Variants in PRMT3 observed in about 807,000 individuals in gnomAD.
The protein encoded by PRMT3 is protein arginine methyltransferase 3, also known as protein arginine N-methyltransferase 3.
In PRMT3, 62 loss-of-function variants were observed where a neutral mutation model predicts 71.9. The observed-to-expected ratio is 0.86, with a 90% CI of 0.70 to 1.07. The LOEUF (loss-of-function observed/expected upper bound fraction) is 1.07, where lower values mean the gene tolerates loss of function less well. Ranked by LOEUF, PRMT3 falls within the 50% of genes least tolerant of loss-of-function variation. The probability of loss-of-function intolerance (pLI) is 0.00; values close to 1 mark genes in which losing one functional copy is unlikely to be tolerated. For synonymous variants in PRMT3, 213 were observed against 220.4 expected (o/e 0.97, Z 0.30); for missense variants, 663 against 643.0 (o/e 1.03, Z -0.34).
intron 5 of PRMT3, among the ~76,000 whole-genome samples, chr11:20,394,515 G>A (rs1212195639): frequency 1.3e-5 from 2 of 151,994 alleles, no homozygotes; most frequent in East Asian, 3.9e-4. Flanking sequence ...TATACAATGT[G>A]ATGATTTGAT....
intron 7 of PRMT3, among the ~76,000 whole-genome samples, chr11:20,400,618 C>G: frequency 6.6e-6 from 1 of 152,072 alleles, no homozygotes; most frequent in African/African-American, 2.4e-5. Flanking sequence ...TGTATCTGCA[C>G]CTGTCTCATG....
chr11:20,395,759 T>C (rs1255855148), intron 5 of PRMT3, 44 bp from the exon 6 acceptor site: 27 of 1,559,844 alleles, frequency 1.7e-5, no homozygotes, highest in Non-Finnish European at 2.4e-5. Flanking sequence ...ACTTGTTTTA[T>C]TGTTATAAGA....
intron 13 of PRMT3, among the ~76,000 whole-genome samples, chr11:20,488,617 A>G (rs942964105): frequency 6.6e-6 from 1 of 152,200 alleles, no homozygotes; most frequent in Non-Finnish European, 1.5e-5. Flanking sequence ...CATGATACCA[A>G]TGAAGAACAG....
At chr11:20,441,657 C>T (rs1409837429) in intron 10 of PRMT3, among the ~76,000 whole-genome samples, 1 of 151,906 alleles carries the variant, frequency 6.6e-6, no homozygotes, top group African/African-American at 2.4e-5. Context: ...CTCATATTTT[C>T]CGTGTAAGAT....
chr11:20,482,481 G>A (rs1484801090), intron 13 of PRMT3, among the ~76,000 whole-genome samples: 2 of 152,200 alleles, frequency 1.3e-5, no homozygotes, highest in Admixed American at 6.5e-5. Flanking sequence ...ACAAAATAGT[G>A]TATTTATCAA....
intron 9 of PRMT3, among the ~76,000 whole-genome samples, chr11:20,410,206 G>A (rs1464443692): frequency 6.6e-6 from 1 of 152,066 alleles, no homozygotes; most frequent in Non-Finnish European, 1.5e-5. Flanking sequence ...GTGCTAGGGT[G>A]TTCATGTCCA....
chr11:20,493,570 T>C (rs1851260433), intron 13 of PRMT3, among the ~76,000 whole-genome samples: 1 of 152,218 alleles, frequency 6.6e-6, no homozygotes, highest in Admixed American at 6.5e-5. Flanking sequence ...GATAGCCTAA[T>C]GCGTGGGTGG....
At chr11:20,423,354 T>C (rs970590963) in intron 9 of PRMT3, among the ~76,000 whole-genome samples, 2 of 152,218 alleles carry the variant, frequency 1.3e-5, no homozygotes, top group African/African-American at 2.4e-5. Context: ...GAATTCTACA[T>C]TGGCAGTAAT....
At chr11:20,496,323 C>T (rs1019249530) in intron 15 of PRMT3, among the ~76,000 whole-genome samples, 1 of 152,016 alleles carries the variant, frequency 6.6e-6, no homozygotes, top group African/African-American at 2.4e-5. Context: ...GAGGCTGAGG[C>T]CAGAAGTTCC....
chr11:20,493,127 A>G (rs1224245380), intron 13 of PRMT3, among the ~76,000 whole-genome samples: 1 of 75,210 alleles, frequency 1.3e-5, no homozygotes, highest in Non-Finnish European at 3.8e-5. Flanking sequence ...GCAAGACTCC[A>G]TGTCAAAAAA....
At chr11:20,421,428 A>G (rs1266602515) in intron 9 of PRMT3, among the ~76,000 whole-genome samples, 1 of 152,210 alleles carries the variant, frequency 6.6e-6, no homozygotes, top group African/African-American at 2.4e-5. Context: ...AACATCCCCC[A>G]ATAAATGTTG....
intron 10 of PRMT3, among the ~76,000 whole-genome samples, chr11:20,439,859 G>T (rs1849846846): frequency 6.6e-6 from 1 of 152,176 alleles, no homozygotes; most frequent in Non-Finnish European, 1.5e-5. Context: ...GGAGGACTTT[G>T]TGTACTAGAT....
At chr11:20,388,640 C>G (rs1848648772) in intron 2 of PRMT3, among the ~76,000 whole-genome samples, 1 of 152,214 alleles carries the variant, frequency 6.6e-6, no homozygotes, top group Non-Finnish European at 1.5e-5. Context: ...TACAGAGCTT[C>G]TCAGGTGAAA....
chr11:20,470,933 C>T (rs1850629194), intron 13 of PRMT3, among the ~76,000 whole-genome samples: 1 of 152,138 alleles, frequency 6.6e-6, no homozygotes, highest in Non-Finnish European at 1.5e-5. Context: ...ACCATTTTGA[C>T]TGGTATAAGA....
At chr11:20,402,278 C>A (rs1202273678) in intron 7 of PRMT3, among the ~76,000 whole-genome samples, 1 of 152,048 alleles carries the variant, frequency 6.6e-6, no homozygotes, top group Non-Finnish European at 1.5e-5. Context: ...CGCCACCACA[C>A]CCGACTAATT....
At chr11:20,445,161 ATAATCT>A (rs1379170133) in intron 10 of PRMT3, among the ~76,000 whole-genome samples, 6 of 151,972 alleles carry the variant, frequency 3.9e-5, no homozygotes, top group Non-Finnish European at 8.8e-5. Context: ...ATCTCTTCCT[ATAATCT>A]TAATTTTTTA....
At chr11:20,472,848 TG>T (rs1269544193) in intron 13 of PRMT3, among the ~76,000 whole-genome samples, 2 of 86,254 alleles carry the variant, frequency 2.3e-5, no homozygotes, top group Non-Finnish European at 4.2e-5. Flanking sequence ...TATCTGGTCC[TG>T]GGCTTTTTTT....
At chr11:20,426,437 T>A (rs549186488) in intron 9 of PRMT3, among the ~76,000 whole-genome samples, 1 of 152,198 alleles carries the variant, frequency 6.6e-6, no homozygotes, top group African/African-American at 2.4e-5. Context: ...ACCATACTTT[T>A]ATATGTCTTA....
chr11:20,423,925 C>T (rs947408168), intron 9 of PRMT3, among the ~76,000 whole-genome samples: 1 of 144,456 alleles, frequency 6.9e-6, no homozygotes, highest in Non-Finnish European at 1.5e-5. Flanking sequence ...TGGCTGACGC[C>T]TGTAAACCCA....
Sources: gnomAD v4.1 joint callset for allele counts (sites outside exome capture counted in the v4.1 genomes callset) on GRCh38, gnomAD v4.1.1 for gene constraint, MANE v1.5 for transcripts, NCBI Gene and HGNC (gene_info 2026-07-23, HGNC 2026-07-21) for gene names.